CIT: variants seen among roughly 807,000 people sequenced by gnomAD.
CIT encodes the protein citron rho-interacting serine/threonine kinase.
A neutral mutation model predicts 272.7 loss-of-function variants in CIT; 79 were observed. The ratio of observed to expected loss-of-function variants is 0.29; its 90% CI spans 0.24 to 0.35. The LOEUF is 0.35. Among genes scored for constraint, CIT ranks in the 10% least tolerant of loss-of-function variants. The probability of loss-of-function intolerance (pLI) is 1.00; values close to 1 mark genes in which losing one functional copy is unlikely to be tolerated. For missense variants in CIT, 1,909 were observed against 2,618.3 expected (o/e 0.73, Z 5.91); for synonymous variants, 948 against 995.6 (o/e 0.95, Z 0.90).
chr12:119,789,862 C>T (rs1368148853), intron 10 of CIT, among the ~76,000 whole-genome samples: 2 of 151,710 alleles, frequency 1.3e-5, no homozygotes, highest in African/African-American at 4.8e-5. Context: ...CACGCCACCA[C>T]GCCCAGCAAA....
At position 119,836,537 on chromosome 12, in the gene CIT, A is replaced by G. The variant is rs183197470; in HGVS notation, c.517-2309T>C. 3.8e-4 allele frequency among the ~76,000 whole-genome samples: 58 copies of G among 152,196 alleles called. No homozygotes were observed. In the East Asian group the frequency reaches 9.1e-3, roughly 24 times the overall value. On this transcript the variant is annotated intron_variant, in intron 5 of 47. Transcript: ENST00000392521. ...ATGTCTGTTTTAAATATATATTGACATCGAAAAGGTCTTAAATATCCAAAA... is the reference window on the plus strand; with the variant it reads ...ATGTCTGTTTTAAATATATATTGACGTCGAAAAGGTCTTAAATATCCAAAA...
At chr12:119,733,464 G>A (rs1958580622) in intron 26 of CIT, among the ~76,000 whole-genome samples, 1 of 151,730 alleles carries the variant, frequency 6.6e-6, no homozygotes, top group Non-Finnish European at 1.5e-5. Flanking sequence ...CACCCTGGAG[G>A]TGGAGGTTGC....
In CIT at chr12:119,803,253, A is replaced by G. The variant is rs749009726; in HGVS notation, c.1248T>C (p.Phe416=). 1.9e-6 allele frequency: 3 copies of G among 1,602,328 alleles called. No individual in the cohort carries two copies. In the South Asian group the frequency reaches 3.3e-5, roughly 18 times the overall value. Residue 416 remains phenylalanine, a synonymous_variant, in exon 10 of 48, where the codon TTT becomes TTC. Coordinates refer to ENST00000392521, the MANE Select transcript of CIT (RefSeq NM_001206999.2). ...GTGCCTTGCTGTACGAAAACCCCAC[A>G]AACGGCAGTTCTTCACCCGAGAAGC... ...PSGFSGEELP[F]VGFSYSKALG...
intron 7 of CIT, among the ~76,000 whole-genome samples, chr12:119,827,432 T>G (rs1011037629): frequency 7.9e-6 from 1 of 125,818 alleles, no homozygotes; most frequent in African/African-American, 3.2e-5. Context: ...GCACCAACAA[T>G]AACCAATAGA....
rs973911436 is a variant in CIT, at chr12:119,850,173, C to A, written c.516+1G>T. Reference sequence around the variant, plus strand: ...CCAGAGAGACAGATGTAAAGACTCACCAGATAAAGGTGATTTTTGTCCTGA... The same window carrying A: ...CCAGAGAGACAGATGTAAAGACTCAACAGATAAAGGTGATTTTTGTCCTGA... On this transcript the variant is annotated splice_donor_variant, in intron 5 of 47. Transcript: ENST00000392521. LOFTEE classifies it high-confidence loss of function. 3.8e-6 allele frequency: 6 copies of A among 1,576,870 alleles called. No homozygotes were observed. Among genetic ancestry groups the A allele is most frequent in the African/African-American group, 2.7e-5 (2 of 74,044 alleles).
At chr12:119,750,758 T>C (rs1017094151) in intron 23 of CIT, among the ~76,000 whole-genome samples, 15 of 80,846 alleles carry the variant, frequency 1.9e-4, no homozygotes, top group African/African-American at 7.3e-4. Flanking sequence ...TATAGATAGA[T>C]AGATAGATAG....
intron 24 of CIT, among the ~76,000 whole-genome samples, chr12:119,739,348 A>G (rs1232887169): frequency 6.6e-6 from 1 of 152,168 alleles, no homozygotes; most frequent in Non-Finnish European, 1.5e-5. Context: ...CTTACTGTGC[A>G]TGAGCTTTTT....
rs114269632 is a variant in CIT at position 119,785,978 on chromosome 12, C to T, written c.1296-913G>A. On this transcript the variant is annotated intron_variant, in intron 10 of 47. Transcript: ENST00000392521. ...CATTTGTTACATTGGCCATAGGAAACTCATACACCTATTGGGCACTGGCTG... is the reference window on the plus strand; with the variant it reads ...CATTTGTTACATTGGCCATAGGAAATTCATACACCTATTGGGCACTGGCTG... 7.1e-3 allele frequency among the ~76,000 whole-genome samples: 1,077 copies of T among 152,278 alleles called. 15 individuals are homozygous for T. The highest frequency in any genetic ancestry group is 0.025 in the African/African-American group (1,033 of 41,546).
At chr12:119,759,673 C>A (rs1218908431) in intron 20 of CIT, among the ~76,000 whole-genome samples, 1 of 151,908 alleles carries the variant, frequency 6.6e-6, no homozygotes, top group East Asian at 1.9e-4. Context: ...ACAAAAAAAT[C>A]TAATGCCTTA....
intron 32 of CIT, among the ~76,000 whole-genome samples, chr12:119,717,258 G>A (rs1413666298): frequency 2.0e-5 from 3 of 151,956 alleles, no homozygotes; most frequent in African/African-American, 7.3e-5. Context: ...CTCCATGTTG[G>A]TCAGGCTAGT....
chr12:119,732,850 A>G (rs533812606), intron 26 of CIT, among the ~76,000 whole-genome samples: 2 of 152,324 alleles, frequency 1.3e-5, no homozygotes, highest in East Asian at 3.9e-4. Flanking sequence ...GAGCAAGTTG[A>G]TGAAAAATGG....
chr12:119,833,802 A>G (rs1246780076), intron 6 of CIT, among the ~76,000 whole-genome samples: 2 of 152,174 alleles, frequency 1.3e-5, no homozygotes, highest in African/African-American at 4.8e-5. Flanking sequence ...TATAACCCAA[A>G]GAACTCATGC....
Position 119,713,074 on chromosome 12 carries a change from TG to T in CIT, c.4579+128del. 1 of 727,118 alleles carries T rather than the reference TG, an allele frequency of 1.4e-6. No individual in the cohort carries two copies. The highest frequency in any genetic ancestry group is 2.4e-6 in the Non-Finnish European group (1 of 417,884). 45.0% of individuals were successfully genotyped at this position (727,118 alleles called of 1,614,324 possible). A position where few individuals can be genotyped will look rare whatever the true frequency, so the allele number is the denominator to read the frequency against. ...TAACCTTTAGAGAAGTCATTTGGTT[TG>T]TAAGTTTCAAAAATGGAAAAGCGTA... is the stretch of plus-strand genomic sequence containing the variant. On this transcript the variant is annotated intron_variant, in intron 35 of 47. Transcript: ENST00000392521. The surrounding 1 kb of genome is among the most constrained non-coding windows in gnomAD (Gnocchi z 5.2).
chr12:119,825,134 G>A, intron 8 of CIT, 31 bp downstream of exon 8: 1 of 1,584,290 alleles, frequency 6.3e-7, no homozygotes, highest in African/African-American at 1.3e-5. Flanking sequence ...GTTTCTCAAT[G>A]TGACTTCGAA....
At chr12:119,700,939 G>C (rs746168056) in intron 43 of CIT, 114 bp from the exon 44 acceptor site, 13 of 733,102 alleles carry the variant, frequency 1.8e-5, no homozygotes, top group Non-Finnish European at 2.3e-5. Context: ...GGCCAGATGG[G>C]ACTGACTGTG....
chr12:119,840,079 G>A (rs888644160), intron 5 of CIT, among the ~76,000 whole-genome samples: 1 of 152,214 alleles, frequency 6.6e-6, no homozygotes, highest in Non-Finnish European at 1.5e-5. Context: ...CATTTGGGGA[G>A]GCTGAAGCAG....
At chr12:119,772,547 A>G (rs559625844) in intron 17 of CIT, among the ~76,000 whole-genome samples, 1 of 152,368 alleles carries the variant, frequency 6.6e-6, no homozygotes, top group South Asian at 2.1e-4. Context: ...ATAAACAGAA[A>G]GAAAAAACTT....
chr12:119,731,004 C>T (rs538122707), intron 26 of CIT, among the ~76,000 whole-genome samples: 36 of 151,992 alleles, frequency 2.4e-4, no homozygotes, highest in Non-Finnish European at 5.0e-4. Context: ...GCGTGCGCCC[C>T]TAAACCCAGC....
chr12:119,794,767 A>G (rs1965596574), intron 10 of CIT, among the ~76,000 whole-genome samples: 1 of 152,212 alleles, frequency 6.6e-6, no homozygotes, highest in Non-Finnish European at 1.5e-5. Context: ...CAGGGAGAAA[A>G]AGAGAGTCCA....
Sources: gnomAD v4.1 joint callset for allele counts (sites outside exome capture counted in the v4.1 genomes callset) on GRCh38, gnomAD v4.1.1 for gene constraint, Gnocchi (gnomAD v3.1) non-coding constraint, MANE v1.5 for transcripts, NCBI Gene and HGNC (gene_info 2026-07-23, HGNC 2026-07-21) for gene names.